The following PPIP5K2 variants were observed in gnomAD, a reference collection of about 807,000 sequenced individuals.
PPIP5K2 encodes inositol hexakisphosphate and diphosphoinositol-pentakisphosphate kinase 2.
In PPIP5K2, 105 loss-of-function variants were observed where a neutral mutation model predicts 154.6. That is an observed-to-expected ratio of 0.68 (90% CI 0.58 to 0.80). The LOEUF (loss-of-function observed/expected upper bound fraction) is 0.80, where lower values mean the gene tolerates loss of function less well. Ranked by LOEUF, PPIP5K2 falls within the 30% of genes least tolerant of loss-of-function variation. The probability of loss-of-function intolerance (pLI) is 0.00; values close to 1 mark genes in which losing one functional copy is unlikely to be tolerated. For synonymous variants in PPIP5K2, 480 were observed against 490.3 expected, an observed-to-expected ratio of 0.98 and a Z score of 0.28; for missense variants, 992 against 1,504.6, an observed-to-expected ratio of 0.66 and a Z score of 5.64.
chr5:103,187,274 GC>G, intron 27 of PPIP5K2, 39 bp from the exon 28 acceptor site: 1 of 1,456,098 alleles, frequency 6.9e-7, no homozygotes, highest in Non-Finnish European at 9.3e-7. Context: ...TCTTTTTGTA[GC>G]TGTTACGAAT....
chr5:103,146,429 T>G, intron 5 of PPIP5K2, 98 bp from the exon 6 acceptor site: 1 of 1,267,112 alleles, frequency 7.9e-7, no homozygotes, highest in Non-Finnish European at 1.1e-6. Flanking sequence ...AAGTTTTCTT[T>G]TATGGTCTTT....
At chr5:103,149,461 T>C (rs1794261868) in intron 8 of PPIP5K2, 148 bp downstream of exon 8, 1 of 589,528 alleles carries the variant, frequency 1.7e-6, no homozygotes, top group Admixed American at 3.8e-5. Flanking sequence ...TTCAAGGGAT[T>C]CTTGTGGTGC....
Position 103,149,305 on chromosome 5 carries a change from G to T in PPIP5K2, c.898G>T (p.Ala300Ser). The part of the protein sequence containing the change: ...EKLIAWKVCL[A>S]FKQTVCGFDL... ...ATTAATTGCTTGGAAAGTCTGCCTT[G>T]CTTTTAAGGTAAGATGTTATACAGG... Residue 300 changes from alanine to serine, a missense_variant, in exon 8 of 31, where the codon GCT (alanine) becomes TCT (serine). Physicochemically the swap from Ala to Ser is moderately conservative, Grantham distance 99. This residue lies in a region of PPIP5K2 where 163 missense variants were observed against 285.2 expected (regional missense o/e 0.57). Transcript: ENST00000358359. The T allele has an allele frequency of 6.2e-7, 1 of 1,612,720 alleles. No homozygotes were observed. Among genetic ancestry groups the T allele is most frequent in the South Asian group, 1.1e-5 (1 of 90,874 alleles).
chr5:103,129,600 C>G lies in PPIP5K2; in HGVS notation c.11C>G (p.Ala4Gly), dbSNP rs782083675. The part of the protein sequence containing the change: MSE[A>G]PRFFVGPEDT... ...TCAAATAAAATAAAAATGAGTGAAG[C>G]CCCCAGATTCTTCGTTGGACCAGAA... The change falls in exon 2 of 31, where the codon GCC becomes GGC. Residue 4 changes from alanine to glycine, a missense_variant. By Grantham distance (60) the Ala-to-Gly change is moderately conservative. Around this residue, in one of 9 missense-constraint regions of PPIP5K2, gnomAD observed 153 missense variants for 200.4 expected, o/e 0.76. Coordinates refer to ENST00000358359, the MANE Select transcript of PPIP5K2 (RefSeq NM_001276277.3). 1.9e-6 allele frequency: 3 copies of G among 1,588,002 alleles called. No individual in the cohort carries two copies. The highest frequency in any genetic ancestry group is 1.2e-5 in the South Asian group (1 of 86,478).
At chr5:103,162,368 T>G (rs1367475461) in intron 17 of PPIP5K2, among the ~76,000 whole-genome samples, 5 of 151,822 alleles carry the variant, frequency 3.3e-5, no homozygotes, top group Admixed American at 6.6e-5. Flanking sequence ...TTTTTTTGTT[T>G]TTTTGTTTTG....
chr5:103,169,685 T>C (rs1423514768), intron 19 of PPIP5K2, among the ~76,000 whole-genome samples: 1 of 151,790 alleles, frequency 6.6e-6, no homozygotes, highest in Non-Finnish European at 1.5e-5. Context: ...TCTCAGACTT[T>C]ACGAATACGT....
intron 19 of PPIP5K2, among the ~76,000 whole-genome samples, chr5:103,170,275 T>C (rs1201414564): frequency 6.6e-6 from 1 of 151,592 alleles, no homozygotes; most frequent in African/African-American, 2.4e-5. Context: ...TAAAGATTAG[T>C]ATGTTACGAA....
rs1298837254 is a variant in PPIP5K2, at chr5:103,211,731, A to G, written c.*10097A>G. The G allele has an allele frequency of 6.6e-6, 1 of 152,138 alleles. No individual in the cohort carries two copies. Among genetic ancestry groups the G allele is most frequent in the Non-Finnish European group, 1.5e-5 (1 of 67,982 alleles). 9.4% of individuals were successfully genotyped at this position (152,138 alleles called of 1,614,324 possible). A position where few individuals can be genotyped will look rare whatever the true frequency, so the allele number is the denominator to read the frequency against. Reference sequence around the variant, plus strand: ...GAATGCTGGTTATAAACCAGTTACTACACTAAGCCCTGATGATACAAATAT... The same window carrying G: ...GAATGCTGGTTATAAACCAGTTACTGCACTAAGCCCTGATGATACAAATAT... On this transcript the variant is annotated 3_prime_UTR_variant, in exon 31 of 31. Coordinates refer to ENST00000358359, the MANE Select transcript of PPIP5K2 (RefSeq NM_001276277.3).
At chr5:103,197,415 T>A (rs1224829226) in intron 30 of PPIP5K2, among the ~76,000 whole-genome samples, 1 of 151,946 alleles carries the variant, frequency 6.6e-6, no homozygotes, top group Non-Finnish European at 1.5e-5. Flanking sequence ...TTAATGAATG[T>A]GGTAATAACT....
At chr5:103,191,199 A>C (rs544114345) in intron 29 of PPIP5K2, 12 of 380,836 alleles carry the variant, frequency 3.2e-5, no homozygotes, top group African/African-American at 1.9e-4. Context: ...CCAAAAAAAA[A>C]CAAAAAACAA....
rs74430672 is a variant in PPIP5K2 at position 103,151,384 on chromosome 5, T to G, written c.1028+10T>G. 2.3e-3 allele frequency: 3,598 copies of G among 1,583,028 alleles called. 62 individuals are homozygous for G. In the African/African-American group the frequency reaches 0.044, roughly 19 times the overall value. ...GTGCAAAAATACTTGGGTAAGAATT[T>G]TTAAATTTTTCTTTTTACCTTCATA... On this transcript the variant is annotated intron_variant, in intron 9 of 30. Coordinates refer to ENST00000358359, the MANE Select transcript of PPIP5K2 (RefSeq NM_001276277.3).
At chr5:103,185,541 T>G (rs1180284197) in intron 26 of PPIP5K2, among the ~76,000 whole-genome samples, 1 of 152,092 alleles carries the variant, frequency 6.6e-6, no homozygotes, top group East Asian at 1.9e-4. Context: ...TTATAGAAAT[T>G]TATATATTAC....
At chr5:103,182,400 A>G (rs891231169) in intron 24 of PPIP5K2, among the ~76,000 whole-genome samples, 8 of 152,194 alleles carry the variant, frequency 5.3e-5, no homozygotes, top group Non-Finnish European at 8.8e-5. Context: ...TTTCTATGCC[A>G]TGCTAAACTT....
At chr5:103,161,686 T>G (rs1473756254) in intron 17 of PPIP5K2, among the ~76,000 whole-genome samples, 3 of 152,246 alleles carry the variant, frequency 2.0e-5, no homozygotes, top group African/African-American at 7.2e-5. Context: ...ATTGTGGTTT[T>G]GATTTGCATT....
chr5:103,149,060 G>T lies in PPIP5K2; in HGVS notation c.745-92G>T, dbSNP rs1236399958. On this transcript the variant is annotated intron_variant, in intron 7 of 30. Transcript: ENST00000358359. ...AGCCTGGATTCTGAACTATTTTTTA[G>T]TAATTTTTTCATTGTATTTGTTGTC... The T allele has an allele frequency of 6.8e-6, 7 of 1,029,752 alleles. No individual in the cohort carries two copies. The East Asian group carries it at 2.1e-4, about 31-fold the overall frequency. 63.8% of individuals were successfully genotyped at this position (1,029,752 alleles called of 1,614,324 possible). A position where few individuals can be genotyped will look rare whatever the true frequency, so the allele number is the denominator to read the frequency against.
At chr5:103,189,982 TA>T (rs1800971705) in intron 28 of PPIP5K2, among the ~76,000 whole-genome samples, 1 of 152,064 alleles carries the variant, frequency 6.6e-6, no homozygotes, top group Admixed American at 6.6e-5. Flanking sequence ...TCGTTATTTT[TA>T]ACAGTATATG....
chr5:103,172,681 C>T (rs1798137466), intron 19 of PPIP5K2, among the ~76,000 whole-genome samples: 2 of 151,902 alleles, frequency 1.3e-5, no homozygotes, highest in African/African-American at 4.8e-5. Context: ...TCTTTGCTCA[C>T]TTCCAGTTAA....
chr5:103,120,876 A>G (rs375212918), intron 1 of PPIP5K2: 1 of 175,756 alleles, frequency 5.7e-6, no homozygotes, highest in African/African-American at 2.4e-5. Context: ...TTTCTGCCTT[A>G]GTCTTTATCC....
intron 29 of PPIP5K2, 103 bp from the exon 30 acceptor site, chr5:103,194,797 A>G: frequency 7.9e-7 from 1 of 1,272,102 alleles, no homozygotes. Context: ...TTCTGTTATT[A>G]TGAATATTCG....
Sources: allele counts gnomAD v4.1 joint callset (sites outside exome capture counted in the v4.1 genomes callset), GRCh38; gene constraint gnomAD v4.1.1; regional missense constraint gnomAD v4.1.1; transcripts MANE v1.5; gene names NCBI Gene and HGNC (gene_info 2026-07-23, HGNC 2026-07-21).